Variants in ASTN1 observed in about 807,000 individuals in gnomAD.
ASTN1 encodes the protein astrotactin 1.
Under a neutral mutation model 140.7 loss-of-function variants are expected in ASTN1, and 41 were observed. The observed-to-expected ratio is 0.29, with a 90% CI of 0.23 to 0.38. The LOEUF (loss-of-function observed/expected upper bound fraction) is 0.38. ASTN1 is among the 10% of genes least tolerant of loss of function. The pLI is 1.00. For synonymous variants in ASTN1, 640 were observed against 652.2 expected, an observed-to-expected ratio of 0.98 and a Z score of 0.29; for missense variants, 1,479 against 1,678.8, an observed-to-expected ratio of 0.88 and a Z score of 2.08.
chr1:177,022,884 A>C (rs1675898810), intron 7 of ASTN1, among the ~76,000 whole-genome samples: 1 of 152,210 alleles, frequency 6.6e-6, no homozygotes, highest in Non-Finnish European at 1.5e-5. Context: ...TGGAATGTTA[A>C]GTGAAAAAAG....
chr1:177,094,867 C>T (rs147906367), intron 1 of ASTN1, among the ~76,000 whole-genome samples: 4 of 152,200 alleles, frequency 2.6e-5, no homozygotes, highest in South Asian at 2.1e-4. Flanking sequence ...GTACAGAAAG[C>T]CTTCATCTTC....
In ASTN1 at chr1:176,862,186, A is replaced by G. The variant is rs959884697; in HGVS notation, c.*2098T>C. 85 of 985,344 alleles carry G rather than the reference A, an allele frequency of 8.6e-5. No individual in the cohort carries two copies. The Middle Eastern group carries it at 1.5e-3, about 18-fold the overall frequency. 61.0% of individuals were successfully genotyped at this position (985,344 alleles called of 1,614,324 possible). On this transcript the variant is annotated 3_prime_UTR_variant, in exon 23 of 23. Coordinates refer to ENST00000361833, the MANE Select transcript of ASTN1 (RefSeq NM_004319.3). The stretch of plus-strand genomic sequence containing the variant: ...CTCCAGCATTTGCCACAGGTGGGAC[A>G]GCCAATTTTTCTGCTGATCTTTGCT...
chr1:176,996,778 G>GAAGCC (rs1674474221), intron 8 of ASTN1, among the ~76,000 whole-genome samples: 1 of 152,158 alleles, frequency 6.6e-6, no homozygotes, highest in Non-Finnish European at 1.5e-5. Flanking sequence ...AGGGCATCCT[G>GAAGCC]CCACGCTAGG....
intron 1 of ASTN1, among the ~76,000 whole-genome samples, chr1:177,067,179 G>A (rs572165914): frequency 6.6e-6 from 1 of 152,242 alleles, no homozygotes; most frequent in African/African-American, 2.4e-5. Context: ...GCACTCCTAT[G>A]AGGGGATAGG....
intron 1 of ASTN1, 32 bp downstream of exon 1, chr1:177,164,362 C>A: frequency 6.5e-7 from 1 of 1,534,746 alleles, no homozygotes; most frequent in South Asian, 1.3e-5. Context: ...GGTCCAGCGC[C>A]TCCGGCCGCC....
chr1:177,059,855 G>C (rs1040388011), intron 2 of ASTN1, among the ~76,000 whole-genome samples: 2 of 151,916 alleles, frequency 1.3e-5, no homozygotes, highest in South Asian at 2.1e-4. Context: ...AGCTGCTTCT[G>C]AGTTGAGTTT....
chr1:177,103,998 T>A (rs1027310745), intron 1 of ASTN1, among the ~76,000 whole-genome samples: 2 of 152,044 alleles, frequency 1.3e-5, no homozygotes, highest in Admixed American at 6.6e-5. Context: ...AGTTAAAGGG[T>A]ATGGCCTGGC....
At chr1:176,955,092 C>T (rs1018633996) in intron 11 of ASTN1, among the ~76,000 whole-genome samples, 57 of 152,274 alleles carry the variant, frequency 3.7e-4, no homozygotes, top group African/African-American at 1.3e-3. Context: ...CCTTAAGAGT[C>T]AGCGTGTTCT....
chr1:177,059,407 G>C (rs1405784746), intron 2 of ASTN1, among the ~76,000 whole-genome samples: 1 of 152,158 alleles, frequency 6.6e-6, no homozygotes, highest in African/African-American at 2.4e-5. Flanking sequence ...CCTTCTCACA[G>C]AGGAAAAACA....
At chr1:176,890,695 G>A (rs921686759) in intron 17 of ASTN1, among the ~76,000 whole-genome samples, 1 of 152,214 alleles carries the variant, frequency 6.6e-6, no homozygotes, top group Non-Finnish European at 1.5e-5. Context: ...TGCAAAAGCT[G>A]TCACTTTCCA....
intron 2 of ASTN1, among the ~76,000 whole-genome samples, chr1:177,045,965 C>T (rs949895546): frequency 2.0e-5 from 3 of 152,120 alleles, no homozygotes; most frequent in African/African-American, 4.8e-5. Context: ...CTCTTTGAAA[C>T]GAAAGTGCTA....
intron 18 of ASTN1, among the ~76,000 whole-genome samples, chr1:176,887,581 T>C (rs1669080081): frequency 6.6e-6 from 1 of 152,202 alleles, no homozygotes; most frequent in Non-Finnish European, 1.5e-5. Context: ...TTCAATCCAT[T>C]TGAATGCATT....
intron 8 of ASTN1, among the ~76,000 whole-genome samples, chr1:177,008,387 G>T (rs543606705): frequency 6.6e-6 from 1 of 151,102 alleles, no homozygotes; most frequent in South Asian, 2.1e-4. Flanking sequence ...AAGAGAGAGA[G>T]AAAGAGAGGA....
chr1:176,946,163 T>G (rs764475208), intron 12 of ASTN1, 43 bp from the exon 13 acceptor site: 2 of 1,477,244 alleles, frequency 1.4e-6, no homozygotes, highest in Middle Eastern at 2.0e-4. Flanking sequence ...ATTCCATCAA[T>G]GACCCATGCA....
Position 176,888,262 on chromosome 1 carries a change from A to G in ASTN1, c.2941-58T>C. 4 of 1,590,970 alleles carry G rather than the reference A, an allele frequency of 2.5e-6. No individual in the cohort carries two copies. The South Asian group carries it at 3.3e-5, about 13-fold the overall frequency. On this transcript the variant is annotated intron_variant, in intron 17 of 22. Coordinates refer to ENST00000361833, the MANE Select transcript of ASTN1 (RefSeq NM_004319.3). The stretch of plus-strand genomic sequence containing the variant: ...TGAGAAGCCAGGGCTAGGCCATCAG[A>G]ATCAAGAGGCAGAGTGTCAAGGATC...
intron 11 of ASTN1, among the ~76,000 whole-genome samples, chr1:176,951,700 C>T (rs763455192): frequency 2.6e-5 from 4 of 152,184 alleles, no homozygotes; most frequent in Non-Finnish European, 2.9e-5. Flanking sequence ...CTGGCTTTAA[C>T]GTCTAGATGA....
intron 2 of ASTN1, among the ~76,000 whole-genome samples, chr1:177,034,987 T>C (rs1231092024): frequency 6.6e-6 from 1 of 152,214 alleles, no homozygotes; most frequent in Non-Finnish European, 1.5e-5. Context: ...TCCTTTCAGA[T>C]GATCACAACA....
At chr1:177,122,216 C>T (rs1305980005) in intron 1 of ASTN1, among the ~76,000 whole-genome samples, 1 of 152,020 alleles carries the variant, frequency 6.6e-6, no homozygotes, top group Non-Finnish European at 1.5e-5. Flanking sequence ...GAGAGAAAGC[C>T]CAATGAGTTA....
chr1:177,025,615 G>A (rs1398596546), intron 5 of ASTN1, among the ~76,000 whole-genome samples: 1 of 152,086 alleles, frequency 6.6e-6, no homozygotes, highest in African/African-American at 2.4e-5. Flanking sequence ...TCTGCTCTGT[G>A]TTAATACTTA....
Sources: gnomAD v4.1 joint callset for allele counts (sites outside exome capture counted in the v4.1 genomes callset) on GRCh38, gnomAD v4.1.1 for gene constraint, MANE v1.5 for transcripts, NCBI Gene and HGNC (gene_info 2026-07-23, HGNC 2026-07-21) for gene names.